TRIM64C: variants seen among roughly 807,000 people sequenced by gnomAD.
TRIM64C encodes the protein tripartite motif-containing protein 64C.
A neutral mutation model predicts 36.1 loss-of-function variants in TRIM64C; 25 were observed. The observed-to-expected ratio is 0.69, with a 90% CI of 0.51 to 0.97. TRIM64C has a LOEUF of 0.97. Ranked by LOEUF, TRIM64C falls within the 50% of genes least tolerant of loss-of-function variation. The pLI, the probability that TRIM64C is intolerant of heterozygous loss-of-function variation, is 0.00. For synonymous variants in TRIM64C, 212 were observed against 185.7 expected (o/e 1.14, Z -1.15); for missense variants, 489 against 536.8 (o/e 0.91, Z 0.88).
chr11:49,057,347 G>C lies in TRIM64C; in HGVS notation c.539C>G (p.Thr180Ser). The C allele has an allele frequency of 6.5e-7, 1 of 1,549,720 alleles. No individual in the cohort carries two copies. Among genetic ancestry groups the C allele is most frequent in the Non-Finnish European group, 8.7e-7 (1 of 1,146,938 alleles). Residue 180 changes from threonine (T) to serine (S), a missense_variant, in exon 3 of 6, where the codon ACT becomes AGT. Transcript: ENST00000617704. ...DYVSLRKVII[T>S]IQYQKMHIFL... ...TATATGCATCTTTTGATACTGAATA[G>C]TGATTATCACCTTCCTTAATGACAC...
Position 49,058,064 on chromosome 11 carries a change from T to G in TRIM64C, c.507+14A>C. 6.7e-7 allele frequency: 1 copy of G among 1,487,238 alleles called. No individual in the cohort carries two copies. Among genetic ancestry groups the G allele is most frequent in the Non-Finnish European group, 9.0e-7 (1 of 1,113,130 alleles). The allele number at this position is 1,487,238 out of a possible 1,614,324, so 92.1% of individuals were successfully genotyped here. A position where few individuals can be genotyped will look rare whatever the true frequency, so the allele number is the denominator to read the frequency against. On this transcript the variant is annotated intron_variant, in intron 2 of 5. Coordinates refer to ENST00000617704, the MANE Select transcript of TRIM64C (RefSeq NM_001206631.1). ...TATTTGCATAAAAACAAAGGAAACA[T>G]TTTCATTCTTAACCACTAATGAACA... is the stretch of plus-strand genomic sequence containing the variant.
chr11:49,057,821 G>GC (rs1306325646), intron 2 of TRIM64C: 3 of 518,290 alleles, frequency 5.8e-6, no homozygotes, highest in South Asian at 5.0e-5. Flanking sequence ...CTCATCTGCA[G>GC]TGTCTGAAAA....
chr11:49,056,385 C>CA lies in TRIM64C; in HGVS notation c.739-5dup, dbSNP rs763020140. 2.9e-4 allele frequency: 442 copies of CA among 1,533,642 alleles called. 1 individual carries two copies. Among genetic ancestry groups the CA allele is most frequent in the Middle Eastern group, 1.9e-3 (11 of 5,936 alleles). Reference sequence around the variant, plus strand: ...TTGCCGATATATTTCCCACATCCTGCAAAAAAAATAAAATGTAATGTTAAT... The same window carrying CA: ...TTGCCGATATATTTCCCACATCCTGCAAAAAAAAATAAAATGTAATGTTAAT... On this transcript the variant is annotated splice_region_variant and splice_polypyrimidine_tract_variant and intron_variant, in intron 3 of 5. Transcript: ENST00000617704.
In TRIM64C at chr11:49,057,306, C is replaced by T. The variant is rs1168944099; in HGVS notation, c.580G>A (p.Glu194Lys). The T allele has an allele frequency of 3.2e-6, 5 of 1,549,592 alleles. No individual in the cohort carries two copies. The African/African-American group carries it at 5.5e-5, about 17-fold the overall frequency. Residue 194 changes from glutamate to lysine, a missense_variant, in exon 3 of 6, where the codon GAG becomes AAG. By Grantham distance (56) the Glu-to-Lys change is moderately conservative (BLOSUM62 1). Coordinates refer to ENST00000617704, the MANE Select transcript of TRIM64C (RefSeq NM_001206631.1). ...TCCAGTGCCTGCAGATGCCGTTGCT[C>T]CTCCTCATCGAGAAATATATGCATC... ...QKMHIFLDEE[E>K]QRHLQALERE...
chr11:49,057,587 T>C (rs1369796947), intron 2 of TRIM64C, among the ~76,000 whole-genome samples: 2 of 151,862 alleles, frequency 1.3e-5, no homozygotes, highest in African/African-American at 4.9e-5. Flanking sequence ...TAAAGACTCC[T>C]GGTTTCCGTC....
intron 3 of TRIM64C, 128 bp downstream of exon 3, chr11:49,057,020 A>G: frequency 7.8e-7 from 1 of 1,284,432 alleles, no homozygotes; most frequent in South Asian, 1.4e-5. Flanking sequence ...GAAAAATGTA[A>G]TGGTGGAAGT....
intron 5 of TRIM64C, among the ~76,000 whole-genome samples, chr11:49,054,417 T>A (rs1437684170): frequency 6.6e-6 from 1 of 152,198 alleles, no homozygotes; most frequent in Non-Finnish European, 1.5e-5. Context: ...AGAGAAAAAA[T>A]GTGACCATAT....
At chr11:49,055,229 A>C (rs1854798694) in intron 5 of TRIM64C, 81 bp downstream of exon 5, 1 of 1,514,614 alleles carries the variant, frequency 6.6e-7, no homozygotes, top group South Asian at 1.2e-5. Context: ...AAACTAATAA[A>C]ACGTAAATGG....
rs576909349 is a variant in TRIM64C, at chr11:49,058,919, T to A, written c.194A>T (p.Asn65Ile). The A allele has an allele frequency of 2.6e-6, 4 of 1,551,094 alleles. No individual in the cohort carries two copies. The highest frequency in any genetic ancestry group is 2.6e-6 in the Non-Finnish European group (3 of 1,146,926). ...CRKISEKPNF[N>I]TNVALKKLAS... ...CAGCTTTTTGAGTGCCACATTGGTGTTGAAGTTGGGCTTCTCTGAGATTTT... is the reference window on the plus strand; with the variant it reads ...CAGCTTTTTGAGTGCCACATTGGTGATGAAGTTGGGCTTCTCTGAGATTTT... The change falls in exon 1 of 6, where the codon AAC (asparagine) becomes ATC (isoleucine). Residue 65 changes from asparagine (N) to isoleucine (I), a missense_variant. Transcript: ENST00000617704.
At position 49,054,010 on chromosome 11, in the gene TRIM64C, A is replaced by T. The variant is rs1189934387; in HGVS notation, c.1057T>A (p.Trp353Arg). 6.4e-7 allele frequency: 1 copy of T among 1,551,622 alleles called. No homozygotes were observed. Among genetic ancestry groups the T allele is most frequent in the Non-Finnish European group, 8.7e-7 (1 of 1,146,864 alleles). Residue 353 changes from tryptophan to arginine, a missense_variant, in exon 6 of 6, where the codon TGG (tryptophan) becomes AGG (arginine). Coordinates refer to ENST00000617704, the MANE Select transcript of TRIM64C (RefSeq NM_001206631.1). ...GAATCTCGACAGACTCCCAGAATCCAGTTGGAGGAGTGGGTCACATCCACT... is the reference window on the plus strand; with the variant it reads ...GAATCTCGACAGACTCCCAGAATCCTGTTGGAGGAGTGGGTCACATCCACT... ...WEVDVTHSSNWILGVCRDSRT... is the reference protein window; with the variant it reads ...WEVDVTHSSNRILGVCRDSRT...
Position 49,053,727 on chromosome 11 carries a change from A to C in TRIM64C, c.1340T>G (p.Phe447Cys). ...GAAACCAACTTTTCATGTACAACCA[A>C]AGCAAAAGAAAGGCCTCAGAGGGGA... ...FSSPLRPFFC[F>C]GCT Residue 447 changes from phenylalanine to cysteine, a missense_variant, in exon 6 of 6, where the codon TTT (phenylalanine) becomes TGT (cysteine). Phe to Cys is a radical substitution (Grantham distance 205). Coordinates refer to ENST00000617704, the MANE Select transcript of TRIM64C (RefSeq NM_001206631.1). The C allele has an allele frequency of 1.3e-6, 2 of 1,549,794 alleles. No homozygotes were observed. Among genetic ancestry groups the C allele is most frequent in the Non-Finnish European group, 1.7e-6 (2 of 1,146,806 alleles).
intron 5 of TRIM64C, among the ~76,000 whole-genome samples, 190 bp downstream of exon 5, chr11:49,055,120 A>C (rs1854798015): frequency 1.3e-5 from 2 of 152,212 alleles, no homozygotes; most frequent in Admixed American, 1.3e-4. Flanking sequence ...ATTTTCATCA[A>C]ACTGTAAGTC....
At chr11:49,055,280 A>G in intron 5 of TRIM64C, 30 bp downstream of exon 5, 4 of 1,535,120 alleles carry the variant, frequency 2.6e-6, no homozygotes, top group Non-Finnish European at 2.6e-6. Context: ...AAATAATTTG[A>G]GGCTGGACTG....
chr11:49,057,902 T>C, intron 2 of TRIM64C, 176 bp downstream of exon 2: 1 of 546,732 alleles, frequency 1.8e-6, no homozygotes, highest in Non-Finnish European at 3.2e-6. Context: ...TAGAATTAAT[T>C]TGGCTAGCTT....
At chr11:49,057,058 G>A (rs1854821993) in intron 3 of TRIM64C, 90 bp downstream of exon 3, 2 of 1,427,038 alleles carry the variant, frequency 1.4e-6, no homozygotes, top group African/African-American at 2.9e-5. Flanking sequence ...TTAGCTTAGA[G>A]CAGTGACATA....
At chr11:49,056,161 T>A (rs1201770890) in intron 4 of TRIM64C, among the ~76,000 whole-genome samples, 198 bp downstream of exon 4, 7 of 151,670 alleles carry the variant, frequency 4.6e-5, no homozygotes, top group African/African-American at 1.5e-4. Context: ...GGCAAATTGT[T>A]TTTACATATA....
intron 1 of TRIM64C, 24 bp downstream of exon 1, chr11:49,058,675 AAT>A: frequency 6.5e-7 from 1 of 1,540,214 alleles, no homozygotes; most frequent in East Asian, 2.4e-5. Flanking sequence ...TATTCTGTAT[AAT>A]TCAAACTGCC....
chr11:49,058,982 TC>T lies in TRIM64C; in HGVS notation c.130del (p.Glu44LysfsTer33). On this transcript the variant is annotated frameshift_variant, in exon 1 of 6. Coordinates refer to ENST00000617704, the MANE Select transcript of TRIM64C (RefSeq NM_001206631.1). LOFTEE classifies it high-confidence loss of function. ...FCRPCLCLCS[E>X]EGRAPMRCPL... is the part of the protein sequence containing the mutation. Reference sequence around the variant, plus strand: ...GCAGCGCATTGGTGCTCTGCCTTCTTCTGAGCAGAGGCAGAGGCAGGGCCTG... The same window carrying T: ...GCAGCGCATTGGTGCTCTGCCTTCTTTGAGCAGAGGCAGAGGCAGGGCCTG... 1 of 1,551,456 alleles carries T rather than the reference TC, an allele frequency of 6.4e-7. No homozygotes were observed. Among genetic ancestry groups the T allele is most frequent in the East Asian group, 2.4e-5 (1 of 40,926 alleles).
Position 49,054,445 on chromosome 11 carries a change from A to T in TRIM64C, c.860-238T>A, listed in dbSNP as rs1854790099. Among the ~76,000 whole-genome samples the T allele has an allele frequency of 3.3e-5, 5 of 152,194 alleles. No individual in the cohort carries two copies. The South Asian group carries it at 1.0e-3, about 31-fold the overall frequency. On this transcript the variant is annotated intron_variant, in intron 5 of 5. Transcript: ENST00000617704. The stretch of plus-strand genomic sequence containing the variant: ...GACCATATCACTGGGCAAAGTAATG[A>T]TTTAATGTCTATCTCTTCATAGTTT...
Sources: allele counts gnomAD v4.1 joint callset (sites outside exome capture counted in the v4.1 genomes callset), GRCh38; gene constraint gnomAD v4.1.1; transcripts MANE v1.5; gene names NCBI Gene and HGNC (gene_info 2026-07-23, HGNC 2026-07-21).